The following STK3 variants were observed in gnomAD, a reference collection of about 807,000 sequenced individuals.
STK3 encodes the protein serine/threonine-protein kinase 3.
A neutral mutation model predicts 58.0 loss-of-function variants in STK3; 41 were observed. The observed-to-expected ratio is 0.71, with a 90% CI of 0.55 to 0.92. The LOEUF (loss-of-function observed/expected upper bound fraction) is 0.92. STK3 is among the 40% of genes least tolerant of loss of function. STK3 has a pLI of 0.00. For missense variants in STK3, 479 were observed against 602.7 expected (o/e 0.79, Z 2.15); for synonymous variants, 170 against 191.0 (o/e 0.89, Z 0.91).
chr8:98,762,068 A>G (rs1032228859), intron 3 of STK3, among the ~76,000 whole-genome samples: 13 of 152,114 alleles, frequency 8.5e-5, no homozygotes, highest in African/African-American at 3.1e-4. Flanking sequence ...CCTCCCTGGG[A>G]AAACTTTCCC....
chr8:98,791,710 T>C (rs924151473), intron 1 of STK3, among the ~76,000 whole-genome samples: 1 of 152,004 alleles, frequency 6.6e-6, no homozygotes, highest in African/African-American at 2.4e-5. Context: ...AAAAACAAAG[T>C]GGGGAAAGGT....
chr8:98,863,309 TACA>T (rs1554691730), intron 3 of STK3, among the ~76,000 whole-genome samples: 1 of 152,210 alleles, frequency 6.6e-6, no homozygotes, highest in Non-Finnish European at 1.5e-5. Context: ...GGAAGGGCAG[TACA>T]ACATTGAGCT....
At chr8:98,523,752 T>C (rs1375145703) in intron 10 of STK3, among the ~76,000 whole-genome samples, 1 of 152,162 alleles carries the variant, frequency 6.6e-6, no homozygotes, top group Non-Finnish European at 1.5e-5. Context: ...TTATACATTA[T>C]GAATATTAAC....
At chr8:98,524,721 G>C (rs1440385230) in intron 10 of STK3, among the ~76,000 whole-genome samples, 1 of 152,214 alleles carries the variant, frequency 6.6e-6, no homozygotes, top group African/African-American at 2.4e-5. Flanking sequence ...TGCCTGATGA[G>C]ATCATATGAC....
At chr8:98,531,641 C>G (rs780169692) in intron 9 of STK3, among the ~76,000 whole-genome samples, 2 of 152,184 alleles carry the variant, frequency 1.3e-5, no homozygotes, top group Non-Finnish European at 2.9e-5. Context: ...ATTGACTTCT[C>G]CTCTGTAGCT....
chr8:98,894,298 A>C (rs569632721), intron 1 of STK3, among the ~76,000 whole-genome samples: 2 of 152,322 alleles, frequency 1.3e-5, no homozygotes, highest in South Asian at 4.1e-4. Context: ...ACAGCTCATC[A>C]ATCAATTCAA....
At chr8:98,764,698 C>T (rs755007890) in intron 3 of STK3, among the ~76,000 whole-genome samples, 2 of 152,176 alleles carry the variant, frequency 1.3e-5, no homozygotes, top group African/African-American at 4.8e-5. Flanking sequence ...TAGAAGTACT[C>T]ATTAGTATCT....
At chr8:98,727,625 T>C (rs1418740207) in intron 4 of STK3, among the ~76,000 whole-genome samples, 8 of 152,170 alleles carry the variant, frequency 5.3e-5, no homozygotes, top group African/African-American at 1.9e-4. Flanking sequence ...TCCAGATGTA[T>C]AACAGCTTTA....
intron 8 of STK3, among the ~76,000 whole-genome samples, chr8:98,566,249 C>T (rs1812473901): frequency 6.6e-6 from 1 of 152,052 alleles, no homozygotes; most frequent in Non-Finnish European, 1.5e-5. Context: ...GGTGTATGCA[C>T]TAAAATTTTA....
intron 3 of STK3, among the ~76,000 whole-genome samples, chr8:98,863,652 C>G (rs1837016422): frequency 6.6e-6 from 1 of 152,164 alleles, no homozygotes; most frequent in Non-Finnish European, 1.5e-5. Context: ...TAAATGAAAA[C>G]AACCCATTAC....
At chr8:98,596,206 C>A in intron 6 of STK3, 37 bp from the exon 7 acceptor site, 1 of 1,574,160 alleles carries the variant, frequency 6.4e-7, no homozygotes, top group South Asian at 1.2e-5. Context: ...CAGTAAGAAT[C>A]ACACTAGCAC....
intron 3 of STK3, among the ~76,000 whole-genome samples, chr8:98,853,620 C>T (rs555769928): frequency 1.3e-5 from 2 of 152,164 alleles, no homozygotes; most frequent in Non-Finnish European, 2.9e-5. Context: ...TTTAATCCAT[C>T]CAGGTCTTGC....
chr8:98,905,700 G>A (rs1481614534), intron 1 of STK3: 8 of 661,008 alleles, frequency 1.2e-5, no homozygotes, highest in East Asian at 8.7e-5. Context: ...TGGCAGCGGC[G>A]GAGGTAGCTC....
chr8:98,916,186 G>A (rs1013721567), intron 1 of STK3, among the ~76,000 whole-genome samples: 1 of 152,132 alleles, frequency 6.6e-6, no homozygotes, highest in African/African-American at 2.4e-5. Flanking sequence ...AGACCGAGGC[G>A]AGTGGATCAC....
chr8:98,874,460 A>G (rs943452916), intron 3 of STK3, among the ~76,000 whole-genome samples: 2 of 152,182 alleles, frequency 1.3e-5, no homozygotes, highest in African/African-American at 4.8e-5. Flanking sequence ...TAAGCCACCA[A>G]GTTTGTGACA....
At chr8:98,523,275 A>G (rs1334088301) in intron 10 of STK3, among the ~76,000 whole-genome samples, 1 of 151,964 alleles carries the variant, frequency 6.6e-6, no homozygotes, top group African/African-American at 2.4e-5. Flanking sequence ...TAGTTTTGAT[A>G]TGCATTTCTC....
chr8:98,694,098 G>C (rs1050888558), intron 6 of STK3, among the ~76,000 whole-genome samples: 1 of 152,064 alleles, frequency 6.6e-6, no homozygotes, highest in Non-Finnish European at 1.5e-5. Context: ...ACCCATGTCT[G>C]TTTTTACGCT....
intron 2 of STK3, among the ~76,000 whole-genome samples, chr8:98,768,940 T>C (rs1831118847): frequency 6.6e-6 from 1 of 152,202 alleles, no homozygotes; most frequent in South Asian, 2.1e-4. Flanking sequence ...GACTGCAGGA[T>C]TCCAGCAGAT....
intron 2 of STK3, among the ~76,000 whole-genome samples, chr8:98,377,821 C>T (rs191074632): frequency 3.0e-4 from 46 of 152,308 alleles, no homozygotes; most frequent in African/African-American, 5.8e-4. Flanking sequence ...GCCTCAGCCA[C>T]TCCCCTGTAG....
Sources: allele counts gnomAD v4.1 joint callset (sites outside exome capture counted in the v4.1 genomes callset), GRCh38; gene constraint gnomAD v4.1.1; transcripts MANE v1.5; gene names NCBI Gene and HGNC (gene_info 2026-07-23, HGNC 2026-07-21).